OPCML: variants seen among roughly 807,000 people sequenced by gnomAD.
OPCML encodes the protein opioid-binding protein/cell adhesion molecule.
A neutral mutation model predicts 37.8 loss-of-function variants in OPCML; 13 were observed. The ratio of observed to expected loss-of-function variants is 0.34; its 90% CI spans 0.22 to 0.55. The LOEUF (loss-of-function observed/expected upper bound fraction) is 0.55, where lower values mean the gene tolerates loss of function less well. Ranked by LOEUF, OPCML falls within the 20% of genes least tolerant of loss-of-function variation. The pLI, the probability that OPCML is intolerant of heterozygous loss-of-function variation, is 0.91. For synonymous variants in OPCML, 176 were observed against 168.8 expected (o/e 1.04, Z -0.33); for missense variants, 341 against 435.6 (o/e 0.78, Z 1.93).
At chr11:133,370,185 G>A (rs930512572) in intron 1 of OPCML, among the ~76,000 whole-genome samples, 1 of 152,134 alleles carries the variant, frequency 6.6e-6, no homozygotes, top group Non-Finnish European at 1.5e-5. Flanking sequence ...TAGGTAAGGA[G>A]CATTAAAGTT....
chr11:132,459,508 A>AATAT (rs138266391), intron 4 of OPCML, among the ~76,000 whole-genome samples: 46 of 145,346 alleles, frequency 3.2e-4, no homozygotes, highest in African/African-American at 9.3e-4. Context: ...CTATATAGAG[A>AATAT]ATATATATAT....
chr11:132,560,628 A>G (rs1016184129), intron 3 of OPCML, among the ~76,000 whole-genome samples: 3 of 152,164 alleles, frequency 2.0e-5, no homozygotes, highest in Admixed American at 2.0e-4. Flanking sequence ...CCATTCTTGT[A>G]GGAGTAAGGT....
intron 1 of OPCML, among the ~76,000 whole-genome samples, chr11:133,416,791 T>A (rs1004481660): frequency 4.6e-5 from 7 of 152,154 alleles, no homozygotes; most frequent in African/African-American, 1.2e-4. Context: ...CCTTTTGTTA[T>A]TCATAATGAG....
At chr11:132,890,178 C>T (rs1943586662) in intron 2 of OPCML, among the ~76,000 whole-genome samples, 1 of 152,092 alleles carries the variant, frequency 6.6e-6, no homozygotes, top group South Asian at 2.1e-4. Flanking sequence ...ATTCTGATGT[C>T]AAGGGTGTTC....
chr11:132,702,884 G>T (rs1156919562), intron 2 of OPCML, among the ~76,000 whole-genome samples: 1 of 151,922 alleles, frequency 6.6e-6, no homozygotes, highest in African/African-American at 2.4e-5. Flanking sequence ...CACAGAAGCA[G>T]GATTTCTGTT....
At chr11:133,409,325 G>A (rs1488122053) in intron 1 of OPCML, among the ~76,000 whole-genome samples, 1 of 152,182 alleles carries the variant, frequency 6.6e-6, no homozygotes, top group Non-Finnish European at 1.5e-5. Flanking sequence ...GCAGCTAAGT[G>A]GTGAGTTTAG....
At chr11:133,009,462 C>T (rs1335799552) in intron 1 of OPCML, among the ~76,000 whole-genome samples, 1 of 152,178 alleles carries the variant, frequency 6.6e-6, no homozygotes, top group Non-Finnish European at 1.5e-5. Flanking sequence ...ACTTAGGAGT[C>T]AAGTTCAAAG....
intron 1 of OPCML, among the ~76,000 whole-genome samples, chr11:133,430,563 A>G (rs1358376805): frequency 6.6e-6 from 1 of 152,224 alleles, no homozygotes; most frequent in East Asian, 1.9e-4. Flanking sequence ...TACACGTACA[A>G]TTCATTGGAT....
chr11:132,453,531 T>C (rs2096073848), intron 4 of OPCML, among the ~76,000 whole-genome samples: 1 of 152,182 alleles, frequency 6.6e-6, no homozygotes, highest in Non-Finnish European at 1.5e-5. Context: ...GTGAGTCCAT[T>C]CAGCAACAAA....
chr11:133,003,806 C>A (rs1336647216), intron 1 of OPCML: 4 of 985,294 alleles, frequency 4.1e-6, no homozygotes, highest in Non-Finnish European at 4.8e-6. Flanking sequence ...CTGGGCCCAA[C>A]ACACAATTTC....
At chr11:132,953,492 C>T (rs548538114) in intron 1 of OPCML, among the ~76,000 whole-genome samples, 52 of 152,148 alleles carry the variant, frequency 3.4e-4, no homozygotes, top group African/African-American at 1.1e-3. Context: ...GCAAGCCATA[C>T]GATAAAATCA....
chr11:132,931,363 T>G (rs180762230), intron 2 of OPCML, among the ~76,000 whole-genome samples: 1 of 152,216 alleles, frequency 6.6e-6, no homozygotes, highest in Admixed American at 6.5e-5. Flanking sequence ...CAAAAGACAC[T>G]ATCAAAAGAG....
intron 4 of OPCML, among the ~76,000 whole-genome samples, chr11:132,500,069 C>T (rs957975845): frequency 2.0e-5 from 3 of 152,100 alleles, no homozygotes; most frequent in African/African-American, 7.2e-5. Flanking sequence ...AGGATTGAGT[C>T]GGGACACTGA....
chr11:133,177,643 C>CA lies in OPCML; in HGVS notation c.62-234634dup, dbSNP rs1937627411. ...ACCCTGCCCGGACTGCCCCATGGTG[C>CA]AATTCCCTCAAAGGGCAAGACTTCT... On this transcript the variant is annotated intron_variant, in intron 1 of 7. Transcript: ENST00000524381. The surrounding 1 kb of genome is among the most constrained non-coding windows in gnomAD (Gnocchi z 5.0). Among the ~76,000 whole-genome samples the CA allele has an allele frequency of 6.6e-6, 1 of 152,148 alleles. No individual in the cohort carries two copies. Among genetic ancestry groups the CA allele is most frequent in the Non-Finnish European group, 1.5e-5 (1 of 68,030 alleles).
chr11:133,518,335 G>A (rs1394243575), intron 1 of OPCML, among the ~76,000 whole-genome samples: 2 of 151,066 alleles, frequency 1.3e-5, no homozygotes, highest in African/African-American at 4.9e-5. Flanking sequence ...GTGTGTGTGT[G>A]GGTGTGTTTG....
At chr11:133,015,065 A>C (rs1947294872) in intron 1 of OPCML, among the ~76,000 whole-genome samples, 1 of 152,240 alleles carries the variant, frequency 6.6e-6, no homozygotes, top group Non-Finnish European at 1.5e-5. Context: ...AAAAGAGTAC[A>C]AACAGCATAA....
intron 1 of OPCML, among the ~76,000 whole-genome samples, chr11:133,195,507 G>A (rs570396251): frequency 1.1e-4 from 16 of 152,206 alleles, no homozygotes; most frequent in African/African-American, 3.1e-4. Context: ...TTCTATTTCC[G>A]CATTCATTAT....
chr11:132,979,863 G>T (rs1430392389), intron 1 of OPCML, among the ~76,000 whole-genome samples: 1 of 152,282 alleles, frequency 6.6e-6, no homozygotes, highest in East Asian at 1.9e-4. Context: ...AAGGCAGGGG[G>T]ATTATAAAGG....
intron 1 of OPCML, among the ~76,000 whole-genome samples, chr11:133,518,617 G>A (rs1333540387): frequency 4.7e-5 from 7 of 150,528 alleles, no homozygotes; most frequent in East Asian, 2.0e-4. Flanking sequence ...GGGCTGTGGC[G>A]TGGGCAGTGG....
Sources: allele counts gnomAD v4.1 joint callset (sites outside exome capture counted in the v4.1 genomes callset), GRCh38; gene constraint gnomAD v4.1.1; non-coding constraint Gnocchi (gnomAD v3.1); transcripts MANE v1.5; gene names NCBI Gene and HGNC (gene_info 2026-07-23, HGNC 2026-07-21).